Variants in TANK observed in about 807,000 individuals in gnomAD.
TANK encodes TRAF family member-associated NF-kappa-B activator.
TANK carries 15 observed loss-of-function variants against 43.6 expected under a neutral mutation model. That is an observed-to-expected ratio of 0.34 (90% CI 0.23 to 0.53). The LOEUF is 0.53. TANK is among the 20% of genes least tolerant of loss of function. The pLI, the probability that TANK is intolerant of heterozygous loss-of-function variation, is 0.94. For missense variants in TANK, 417 were observed against 498.6 expected (o/e 0.84, Z 1.56); for synonymous variants, 162 against 178.2 (o/e 0.91, Z 0.73).
At chr2:161,171,368 G>A (rs1239230873) in intron 1 of TANK, among the ~76,000 whole-genome samples, 4 of 152,116 alleles carry the variant, frequency 2.6e-5, no homozygotes, top group South Asian at 4.1e-4. Context: ...ATGGAGATCC[G>A]GAAATCTCTG....
chr2:161,140,066 AT>A, intron 1 of TANK: 2 of 389,998 alleles, frequency 5.1e-6, no homozygotes, highest in South Asian at 2.2e-4. Context: ...ATTAGTCTAT[AT>A]TTTTATTTTC....
chr2:161,200,558 T>C (rs929237526), intron 2 of TANK: 3 of 983,378 alleles, frequency 3.1e-6, no homozygotes, highest in African/African-American at 3.5e-5. Context: ...TTTCTGAATA[T>C]GCATTTTCTC....
chr2:161,144,028 G>A (rs78853140), intron 1 of TANK, among the ~76,000 whole-genome samples: 1 of 152,018 alleles, frequency 6.6e-6, no homozygotes, highest in Admixed American at 6.6e-5. Flanking sequence ...CTTCTTTCTG[G>A]TTTAGTCTTG....
At chr2:161,146,894 G>A (rs1683926010) in intron 1 of TANK, among the ~76,000 whole-genome samples, 1 of 152,124 alleles carries the variant, frequency 6.6e-6, no homozygotes, top group East Asian at 1.9e-4. Context: ...ACTCATCTGG[G>A]CTGCCTAGAT....
chr2:161,137,213 C>T, intron 1 of TANK: 1 of 985,372 alleles, frequency 1.0e-6, no homozygotes, highest in Non-Finnish European at 1.2e-6. Flanking sequence ...TAGTTAACGT[C>T]ATAGTTAGAA....
At chr2:161,173,933 G>A (rs1356239221) in intron 1 of TANK, among the ~76,000 whole-genome samples, 3 of 151,960 alleles carry the variant, frequency 2.0e-5, no homozygotes, top group Admixed American at 2.0e-4. Flanking sequence ...AACCAGCTGG[G>A]AAAAAAGGTG....
intron 7 of TANK, among the ~76,000 whole-genome samples, chr2:161,234,841 C>T (rs1262947243): frequency 6.6e-6 from 1 of 152,110 alleles, no homozygotes; most frequent in Non-Finnish European, 1.5e-5. Context: ...CAAAATAATG[C>T]TGATTCATGT....
intron 1 of TANK, among the ~76,000 whole-genome samples, chr2:161,176,087 A>G (rs1685162053): frequency 2.0e-5 from 3 of 152,156 alleles, no homozygotes; most frequent in Admixed American, 2.0e-4. Flanking sequence ...CTTAACCATG[A>G]GATTTAGGTT....
chr2:161,167,845 C>T (rs778088901), intron 1 of TANK, among the ~76,000 whole-genome samples: 6 of 151,930 alleles, frequency 3.9e-5, no homozygotes, highest in Non-Finnish European at 8.8e-5. Flanking sequence ...AGGATGGTCT[C>T]GATCTCCTGA....
intron 1 of TANK, chr2:161,161,507 A>G: frequency 6.6e-7 from 1 of 1,505,550 alleles, no homozygotes; most frequent in Non-Finnish European, 8.9e-7. Flanking sequence ...TGTGCAAAGC[A>G]GGAAGTGAAA....
intron 3 of TANK, 96 bp from the exon 4 acceptor site, chr2:161,204,579 T>C (rs1558994360): frequency 9.0e-7 from 1 of 1,106,402 alleles, no homozygotes; most frequent in Non-Finnish European, 1.3e-6. Context: ...AAATGTATTC[T>C]CTTTATGGTT....
intron 1 of TANK, among the ~76,000 whole-genome samples, chr2:161,179,290 G>A (rs967376958): frequency 1.3e-5 from 2 of 151,960 alleles, no homozygotes; most frequent in African/African-American, 4.8e-5. Context: ...TGATCCTATT[G>A]TACATTTCCA....
intron 2 of TANK, among the ~76,000 whole-genome samples, chr2:161,185,144 G>A (rs1685600113): frequency 6.6e-6 from 1 of 151,924 alleles, no homozygotes. Flanking sequence ...AATCATTAAG[G>A]AAACTAATAA....
Position 161,207,853 on chromosome 2 carries a change from G to T in TANK, c.327+3060G>T, listed in dbSNP as rs10186736. The T allele has an allele frequency of 0.016, 15,318 of 985,160 alleles. 1,657 individuals are homozygous for T. In the African/African-American group the frequency reaches 0.23, roughly 15 times the overall value. 61.0% of individuals were successfully genotyped at this position (985,160 alleles called of 1,614,324 possible). The stretch of plus-strand genomic sequence containing the variant: ...CACCCACATGGATGAGAACTGGAAG[G>T]CATTATAGAGAAATGGTTAAGGTGA... On this transcript the variant is annotated intron_variant, in intron 4 of 7. Coordinates refer to ENST00000392749, the MANE Select transcript of TANK (RefSeq NM_001199135.3).
Position 161,204,731 on chromosome 2 carries a change from T to C in TANK, c.265T>C (p.Leu89=), listed in dbSNP as rs758152695. 3.1e-6 allele frequency: 5 copies of C among 1,608,324 alleles called. No individual in the cohort carries two copies. The South Asian group carries it at 5.5e-5, about 18-fold the overall frequency. Residue 89 remains leucine (L), a synonymous_variant, in exon 4 of 8, where the codon TTG becomes CTG. Transcript: ENST00000392749. ...LEDSETRKNN[L]TLDQPQDKVI... ...AGACAGTGAAACAAGAAAGAATAAT[T>C]TGACTCTTGATCAGCCACAAGATAA...
chr2:161,219,597 A>G (rs1371196500), intron 4 of TANK: 2 of 244,696 alleles, frequency 8.2e-6, no homozygotes, highest in Admixed American at 5.5e-5. Flanking sequence ...TTTATCCTCA[A>G]ACTTTTATGT....
intron 4 of TANK, among the ~76,000 whole-genome samples, chr2:161,213,748 T>C (rs1032317081): frequency 1.3e-5 from 2 of 151,688 alleles, no homozygotes; most frequent in Admixed American, 6.6e-5. Flanking sequence ...CAAATAGATA[T>C]TGTATTTGAA....
intron 5 of TANK, 27 bp downstream of exon 5, chr2:161,224,018 T>C: frequency 1.4e-6 from 2 of 1,416,634 alleles, no homozygotes; most frequent in Non-Finnish European, 9.8e-7. Context: ...TTTTCTCAAC[T>C]CTTAAAAATT....
At chr2:161,141,475 C>T (rs913594419) in intron 1 of TANK, among the ~76,000 whole-genome samples, 1 of 152,106 alleles carries the variant, frequency 6.6e-6, no homozygotes, top group Non-Finnish European at 1.5e-5. Context: ...TTTATCCCTC[C>T]TTCCTCTTGC....
Sources: gnomAD v4.1 joint callset for allele counts (sites outside exome capture counted in the v4.1 genomes callset) on GRCh38, gnomAD v4.1.1 for gene constraint, MANE v1.5 for transcripts, NCBI Gene and HGNC (gene_info 2026-07-23, HGNC 2026-07-21) for gene names.